ANKS1B: variants seen among roughly 807,000 people sequenced by gnomAD.
ANKS1B encodes the protein ankyrin repeat and sterile alpha motif domain-containing protein 1B.
ANKS1B carries 36 observed loss-of-function variants against 148.3 expected under a neutral mutation model. The observed-to-expected ratio is 0.24, with a 90% CI of 0.19 to 0.32. The LOEUF (loss-of-function observed/expected upper bound fraction) is 0.32. Ranked by LOEUF, ANKS1B falls within the 10% of genes least tolerant of loss-of-function variation. ANKS1B has a pLI of 1.00. For missense variants in ANKS1B, 1,157 were observed against 1,542.6 expected, an observed-to-expected ratio of 0.75 and a Z score of 4.19; for synonymous variants, 542 against 560.8, an observed-to-expected ratio of 0.97 and a Z score of 0.47.
intron 9 of ANKS1B, among the ~76,000 whole-genome samples, chr12:99,569,244 G>C (rs964235464): frequency 6.6e-6 from 1 of 152,186 alleles, no homozygotes; most frequent in Non-Finnish European, 1.5e-5. Flanking sequence ...GTGCTGTCTG[G>C]AGGCTATAAT....
intron 14 of ANKS1B, among the ~76,000 whole-genome samples, chr12:99,235,949 C>T (rs2087834484): frequency 1.3e-5 from 2 of 152,186 alleles, no homozygotes; most frequent in South Asian, 2.1e-4. Context: ...CACCATAAAA[C>T]AATCATTCTC....
chr12:99,339,020 G>T (rs933318478), intron 12 of ANKS1B, among the ~76,000 whole-genome samples: 3 of 152,144 alleles, frequency 2.0e-5, no homozygotes, highest in African/African-American at 7.2e-5. Flanking sequence ...GGTGCAAGCA[G>T]TTCCTTGGCT....
chr12:98,769,608 C>A (rs2098541484), intron 25 of ANKS1B, among the ~76,000 whole-genome samples: 1 of 152,168 alleles, frequency 6.6e-6, no homozygotes, highest in East Asian at 1.9e-4. Flanking sequence ...TTGACTATTT[C>A]TTCCCCCAAC....
chr12:99,856,260 G>C (rs2089036096), intron 1 of ANKS1B, among the ~76,000 whole-genome samples: 1 of 151,998 alleles, frequency 6.6e-6, no homozygotes, highest in African/African-American at 2.4e-5. Flanking sequence ...AAATACAAAA[G>C]ATCATCCAAG....
intron 14 of ANKS1B, among the ~76,000 whole-genome samples, chr12:99,169,459 G>T (rs1287233648): frequency 1.3e-5 from 2 of 152,074 alleles, no homozygotes; most frequent in Non-Finnish European, 2.9e-5. Context: ...TGAAGAAACT[G>T]GCTGAACCCT....
intron 1 of ANKS1B, among the ~76,000 whole-genome samples, chr12:99,869,687 A>AT (rs929370344): frequency 2.0e-5 from 3 of 151,996 alleles, no homozygotes; most frequent in Non-Finnish European, 4.4e-5. Context: ...GTCTCAAAAA[A>AT]AAAAAAAAAT....
chr12:99,577,048 A>T (rs73141671), intron 9 of ANKS1B, among the ~76,000 whole-genome samples: 17,820 of 152,004 alleles, frequency 0.12, 1,309 homozygotes, highest in Non-Finnish European at 0.16. Flanking sequence ...GAACTAAAAA[A>T]ATAAAAGTAA....
At position 98,916,781 on chromosome 12, in the gene ANKS1B, T is replaced by G. The variant is rs557601323; in HGVS notation, c.2779-84645A>C. 2.0e-5 allele frequency among the ~76,000 whole-genome samples: 3 copies of G among 152,216 alleles called. No homozygotes were observed. The South Asian group carries it at 6.2e-4, about 32-fold the overall frequency. On this transcript the variant is annotated intron_variant, in intron 17 of 26. Transcript: ENST00000683438. The stretch of plus-strand genomic sequence containing the variant: ...TTAGTTTAGTTTCTTCATTGCAGAG[T>G]GAGGCACCACCACTTATTTCCTAGT...
chr12:98,951,036 C>T (rs61435014), intron 17 of ANKS1B, among the ~76,000 whole-genome samples: 1 of 152,124 alleles, frequency 6.6e-6, no homozygotes, highest in African/African-American at 2.4e-5. Flanking sequence ...GGATCTACAA[C>T]CCCCCTGAAA....
At chr12:99,374,212 T>C (rs1244389994) in intron 12 of ANKS1B, among the ~76,000 whole-genome samples, 1 of 152,192 alleles carries the variant, frequency 6.6e-6, no homozygotes, top group Non-Finnish European at 1.5e-5. Context: ...CAGCAGGCCC[T>C]TGAATAATGT....
chr12:99,744,361 T>TTCAGGGAA (rs2060396274), intron 8 of ANKS1B, among the ~76,000 whole-genome samples: 1 of 152,126 alleles, frequency 6.6e-6, no homozygotes, highest in Admixed American at 6.6e-5. Flanking sequence ...TCAACAGAAG[T>TTCAGGGAA]TTCTTATTTA....
intron 11 of ANKS1B, among the ~76,000 whole-genome samples, chr12:99,433,045 G>A (rs1205521215): frequency 6.6e-6 from 1 of 152,170 alleles, no homozygotes; most frequent in Non-Finnish European, 1.5e-5. Flanking sequence ...AATAATCAAT[G>A]CCAGTAACAA....
rs546918515 is a variant in ANKS1B, at chr12:98,981,214, C to T, written c.2778+71943G>A. 1.6e-3 allele frequency among the ~76,000 whole-genome samples: 238 copies of T among 152,088 alleles called. 2 individuals carry two copies. The highest frequency in any genetic ancestry group is 5.0e-3 in the African/African-American group (209 of 41,520). Reference sequence around the variant, plus strand: ...CCCAGCTACTCAGGAGCCATCTCACCGCAGCCTCGAATTCCTGGCCTCAAG... The same window carrying T: ...CCCAGCTACTCAGGAGCCATCTCACTGCAGCCTCGAATTCCTGGCCTCAAG... On this transcript the variant is annotated intron_variant, in intron 17 of 26. Transcript: ENST00000683438.
At chr12:99,114,783 T>C (rs962416042) in intron 15 of ANKS1B, among the ~76,000 whole-genome samples, 1 of 150,258 alleles carries the variant, frequency 6.7e-6, no homozygotes, top group African/African-American at 2.4e-5. Context: ...TCACAAGAAA[T>C]AAACAAATAA....
At chr12:99,128,912 C>A (rs1214306902) in intron 15 of ANKS1B, among the ~76,000 whole-genome samples, 2 of 152,162 alleles carry the variant, frequency 1.3e-5, no homozygotes, top group Non-Finnish European at 2.9e-5. Context: ...GAGAATAGAG[C>A]CACTCTTTGA....
chr12:98,780,065 A>G (rs2098718827), intron 24 of ANKS1B, among the ~76,000 whole-genome samples: 1 of 152,134 alleles, frequency 6.6e-6, no homozygotes, highest in South Asian at 2.1e-4. Context: ...CTGGGGTTTA[A>G]TAGAGACACC....
At chr12:99,493,053 G>A (rs2096569930) in intron 10 of ANKS1B, among the ~76,000 whole-genome samples, 2 of 152,146 alleles carry the variant, frequency 1.3e-5, no homozygotes, top group Non-Finnish European at 2.9e-5. Flanking sequence ...TCAAGCGAGA[G>A]ACAGAAATAA....
intron 1 of ANKS1B, among the ~76,000 whole-genome samples, chr12:99,844,343 G>C (rs992561781): frequency 1.3e-5 from 2 of 152,054 alleles, no homozygotes; most frequent in African/African-American, 4.8e-5. Flanking sequence ...ATATTGCCTA[G>C]GTTTTCTTCC....
intron 14 of ANKS1B, among the ~76,000 whole-genome samples, chr12:99,199,954 G>A (rs115590176): frequency 0.011 from 1,689 of 152,292 alleles, 32 homozygotes; most frequent in African/African-American, 0.038. Flanking sequence ...GAAGAAGAGA[G>A]TGATGAAAAA....
Sources: gnomAD v4.1 joint callset for allele counts (sites outside exome capture counted in the v4.1 genomes callset) on GRCh38, gnomAD v4.1.1 for gene constraint, MANE v1.5 for transcripts, NCBI Gene and HGNC (gene_info 2026-07-23, HGNC 2026-07-21) for gene names.